SPRTN: variants seen among roughly 807,000 people sequenced by gnomAD.
SPRTN encodes the protein DNA-dependent metalloprotease SPRTN.
A neutral mutation model predicts 31.9 loss-of-function variants in SPRTN; 11 were observed. The ratio of observed to expected loss-of-function variants is 0.34; its 90% CI spans 0.22 to 0.57. The LOEUF is 0.57. Among genes scored for constraint, SPRTN ranks in the 20% least tolerant of loss-of-function variants. The pLI is 0.86. For missense variants in SPRTN, 482 were observed against 590.1 expected (o/e 0.82, Z 1.90); for synonymous variants, 185 against 212.1 (o/e 0.87, Z 1.11).
At chr1:231,351,605 G>A (rs1396060863) in intron 4 of SPRTN, 34 bp downstream of exon 4, 5 of 1,607,120 alleles carry the variant, frequency 3.1e-6, no homozygotes, top group Non-Finnish European at 4.2e-6. Context: ...ATTTTTATGT[G>A]ACCATAGCTA....
chr1:231,352,999 A>T lies in SPRTN; in HGVS notation c.1108A>T (p.Arg370Ter). Residue 370 changes from arginine (R) to a stop codon, truncating the protein, a stop_gained, in exon 5 of 5, where the codon AGA becomes TGA. Coordinates refer to ENST00000295050, the MANE Select transcript of SPRTN (RefSeq NM_032018.7). LOFTEE classifies it low-confidence loss of function (END_TRUNC). Reference sequence around the variant, plus strand: ...AAACTCAGTCTCTTCTAGTTCTCAGAGAAGGGTTTCATCTTCTAAGATATC... The same window carrying T: ...AAACTCAGTCTCTTCTAGTTCTCAGTGAAGGGTTTCATCTTCTAAGATATC... ...PKNSVSSSSQ[R>*]RVSSSKISLR... is the part of the protein sequence containing the mutation. 6.2e-7 allele frequency: 1 copy of T among 1,614,174 alleles called. No homozygotes were observed. The highest frequency in any genetic ancestry group is 2.2e-5 in the East Asian group (1 of 44,880).
At chr1:231,345,415 AC>A (rs1321345458) in intron 2 of SPRTN, among the ~76,000 whole-genome samples, 2 of 152,216 alleles carry the variant, frequency 1.3e-5, no homozygotes, top group Non-Finnish European at 2.9e-5. Flanking sequence ...GGCATGAGCC[AC>A]TGTGCCCAGC....
At chr1:231,339,954 T>G in intron 2 of SPRTN, 86 bp downstream of exon 2, 1 of 1,324,824 alleles carries the variant, frequency 7.5e-7, no homozygotes, top group Middle Eastern at 2.0e-4. Context: ...CGCCTGTATG[T>G]ATCGTTAAAA....
At chr1:231,339,597 C>A in intron 1 of SPRTN, 172 bp from the exon 2 acceptor site, 1 of 792,998 alleles carries the variant, frequency 1.3e-6, no homozygotes, top group South Asian at 1.5e-5. Context: ...GGGAGGCGCC[C>A]GCGGGGGTTG....
At chr1:231,352,164 G>A in intron 4 of SPRTN, 1 of 989,634 alleles carries the variant, frequency 1.0e-6, no homozygotes, top group Non-Finnish European at 1.2e-6. Flanking sequence ...GGAAGTTGTT[G>A]ACCCAAGAAC....
chr1:231,349,691 G>A (rs376363855), intron 3 of SPRTN, among the ~76,000 whole-genome samples: 11 of 152,234 alleles, frequency 7.2e-5, no homozygotes, highest in Non-Finnish European at 1.2e-4. Flanking sequence ...ATTCCCAAGC[G>A]TTAGGAGTTA....
chr1:231,339,279 G>A, intron 1 of SPRTN: 1 of 273,548 alleles, frequency 3.7e-6, no homozygotes, highest in East Asian at 8.9e-5. Flanking sequence ...CCTTTATACA[G>A]GCGTCTGTTA....
intron 3 of SPRTN, among the ~76,000 whole-genome samples, chr1:231,350,676 A>G (rs1186162452): frequency 6.6e-6 from 1 of 152,176 alleles, no homozygotes; most frequent in African/African-American, 2.4e-5. Flanking sequence ...CAGATCCTGG[A>G]GAACTTTTCA....
At chr1:231,345,801 A>G (rs888774057) in intron 2 of SPRTN, among the ~76,000 whole-genome samples, 3 of 152,028 alleles carry the variant, frequency 2.0e-5, no homozygotes, top group Non-Finnish European at 4.4e-5. Flanking sequence ...ATAACATCCT[A>G]GTGTAGTGTT....
At position 231,354,915 on chromosome 1, in the gene SPRTN, A is replaced by G. The variant is rs1391027291; in HGVS notation, c.*1554A>G. 1.3e-6 allele frequency: 1 copy of G among 749,230 alleles called. No individual in the cohort carries two copies. The allele number at this position is 749,230 out of a possible 1,614,324, so 46.4% of individuals were successfully genotyped here. A position where few individuals can be genotyped will look rare whatever the true frequency, so the allele number is the denominator to read the frequency against. ...TGTATGAGAGTTTTAGTTGTTCACC[A>G]TTCATAACACTGTTAGCAGCCCTTT... On this transcript the variant is annotated 3_prime_UTR_variant, in exon 5 of 5. Transcript: ENST00000295050.
chr1:231,339,949 G>GTA, intron 2 of SPRTN, 81 bp downstream of exon 2: 1 of 1,328,052 alleles, frequency 7.5e-7, no homozygotes, highest in African/African-American at 1.5e-5. Flanking sequence ...GAATTCGCCT[G>GTA]TATGTATCGT....
intron 4 of SPRTN, chr1:231,351,790 TC>T: frequency 8.5e-6 from 10 of 1,177,544 alleles, no homozygotes; most frequent in Non-Finnish European, 1.0e-5. Flanking sequence ...AGGAATAGTT[TC>T]CATGGATATT....
chr1:231,353,453 T>C lies in SPRTN; in HGVS notation c.*92T>C. 1 of 1,471,090 alleles carries C rather than the reference T, an allele frequency of 6.8e-7. No individual in the cohort carries two copies. Among genetic ancestry groups the C allele is most frequent in the Non-Finnish European group, 8.9e-7 (1 of 1,119,824 alleles). The allele number at this position is 1,471,090 out of a possible 1,614,324, so 91.1% of individuals were successfully genotyped here. On this transcript the variant is annotated 3_prime_UTR_variant, in exon 5 of 5. Coordinates refer to ENST00000295050, the MANE Select transcript of SPRTN (RefSeq NM_032018.7). Reference sequence around the variant, plus strand: ...AAGTTCTGGTTAATACTAAGATTTGTAGGTTATAATCTAGTTCACATAACC... The same window carrying C: ...AAGTTCTGGTTAATACTAAGATTTGCAGGTTATAATCTAGTTCACATAACC...
chr1:231,339,689 A>T, intron 1 of SPRTN, 80 bp from the exon 2 acceptor site: 19 of 1,369,930 alleles, frequency 1.4e-5, no homozygotes, highest in Non-Finnish European at 2.0e-5. Context: ...CAACTGAGTT[A>T]GTGTGAACTG....
chr1:231,342,129 G>C (rs552678463), intron 2 of SPRTN, among the ~76,000 whole-genome samples: 1 of 151,862 alleles, frequency 6.6e-6, no homozygotes, highest in East Asian at 1.9e-4. Context: ...ATGAATAAGC[G>C]GAAAAAAATA....
chr1:231,354,395 A>G lies in SPRTN; in HGVS notation c.*1034A>G, dbSNP rs942384765. 2 of 984,934 alleles carry G rather than the reference A, an allele frequency of 2.0e-6. No individual in the cohort carries two copies. The highest frequency in any genetic ancestry group is 2.4e-6 in the Non-Finnish European group (2 of 829,592). 61.0% of individuals were successfully genotyped at this position (984,934 alleles called of 1,614,324 possible). ...ACAAGTTTTCTTTTTTCTTGTTGCA[A>G]TTTTCCTTCACTTTGTTGTAATACA... On this transcript the variant is annotated 3_prime_UTR_variant, in exon 5 of 5. Coordinates refer to ENST00000295050, the MANE Select transcript of SPRTN (RefSeq NM_032018.7).
intron 3 of SPRTN, among the ~76,000 whole-genome samples, chr1:231,350,041 G>C (rs772204541): frequency 6.6e-6 from 1 of 152,098 alleles, no homozygotes; most frequent in Non-Finnish European, 1.5e-5. Flanking sequence ...AGATCCATTT[G>C]TCTCTCTTTT....
At chr1:231,340,720 C>T (rs1305011844) in intron 2 of SPRTN, among the ~76,000 whole-genome samples, 1 of 151,990 alleles carries the variant, frequency 6.6e-6, no homozygotes, top group Non-Finnish European at 1.5e-5. Context: ...ATCTCTTGAA[C>T]CCGGGAGGCG....
Position 231,354,961 on chromosome 1 carries a change from G to A in SPRTN, c.*1600G>A. 1.1e-6 allele frequency: 1 copy of A among 937,876 alleles called. No homozygotes were observed. The highest frequency in any genetic ancestry group is 1.3e-6 in the Non-Finnish European group (1 of 786,698). 58.1% of individuals were successfully genotyped at this position (937,876 alleles called of 1,614,324 possible). ...CCTTTTCGTTTTAGACTGGTTGGCT[G>A]TTCACAAATTTTGATATTCCTTAAA... On this transcript the variant is annotated 3_prime_UTR_variant, in exon 5 of 5. Coordinates refer to ENST00000295050, the MANE Select transcript of SPRTN (RefSeq NM_032018.7).
Sources: gnomAD v4.1 joint callset for allele counts (sites outside exome capture counted in the v4.1 genomes callset) on GRCh38, gnomAD v4.1.1 for gene constraint, MANE v1.5 for transcripts, NCBI Gene and HGNC (gene_info 2026-07-23, HGNC 2026-07-21) for gene names.